Variants in BCAT1 observed in about 807,000 individuals in gnomAD.
The protein encoded by BCAT1 is branched-chain-amino-acid aminotransferase, cytosolic.
BCAT1 carries 48 observed loss-of-function variants against 52.4 expected under a neutral mutation model. The observed-to-expected ratio is 0.92, with a 90% CI of 0.73 to 1.16. The LOEUF (loss-of-function observed/expected upper bound fraction) is 1.16. Ranked by LOEUF, BCAT1 falls within the 50% of genes most tolerant of loss-of-function variation. BCAT1 has a pLI of 0.00. For missense variants in BCAT1, 451 were observed against 457.1 expected, an observed-to-expected ratio of 0.99 and a Z score of 0.12; for synonymous variants, 167 against 161.3, an observed-to-expected ratio of 1.04 and a Z score of -0.27.
intron 5 of BCAT1, among the ~76,000 whole-genome samples, chr12:24,860,837 C>T (rs866631507): frequency 6.6e-5 from 10 of 152,186 alleles, no homozygotes; most frequent in Admixed American, 6.5e-4. Flanking sequence ...TCACACAACT[C>T]ATACAAGTAT....
chr12:24,848,260 G>A (rs760688958), intron 6 of BCAT1, among the ~76,000 whole-genome samples: 21 of 152,076 alleles, frequency 1.4e-4, no homozygotes, highest in Non-Finnish European at 2.5e-4. Flanking sequence ...TGAGCAAAAG[G>A]TAACAGAATT....
intron 5 of BCAT1, among the ~76,000 whole-genome samples, chr12:24,853,635 T>G (rs898616975): frequency 1.3e-5 from 2 of 152,174 alleles, no homozygotes; most frequent in Non-Finnish European, 2.9e-5. Context: ...TTAACTTGTT[T>G]CACACAAGAG....
Position 24,816,707 on chromosome 12 carries a change from T to G in BCAT1, c.*1301A>C, listed in dbSNP as rs2139297698. ...CTCTAGAGCAGTGGTCCCCAACATT[T>G]TTGGCACCAGGGACCAGTTTTGTGG... is the stretch of plus-strand genomic sequence containing the variant. On this transcript the variant is annotated 3_prime_UTR_variant, in exon 11 of 11. Transcript: ENST00000261192. 1 of 396,278 alleles carries G rather than the reference T, an allele frequency of 2.5e-6. No homozygotes were observed. Among genetic ancestry groups the G allele is most frequent in the South Asian group, 1.3e-4 (1 of 7,430 alleles). 24.5% of individuals were successfully genotyped at this position (396,278 alleles called of 1,614,324 possible).
chr12:24,849,013 T>A (rs1460314119), intron 6 of BCAT1, among the ~76,000 whole-genome samples: 1 of 152,188 alleles, frequency 6.6e-6, no homozygotes, highest in African/African-American at 2.4e-5. Context: ...GACCTAAATG[T>A]CCTACCAGGG....
chr12:24,921,045 G>A (rs530666190), intron 1 of BCAT1, among the ~76,000 whole-genome samples: 6 of 151,930 alleles, frequency 3.9e-5, no homozygotes, highest in African/African-American at 4.8e-5. Context: ...TTACCTTCCC[G>A]TGACCCTCCA....
chr12:24,877,424 C>G (rs1052219979), intron 5 of BCAT1, among the ~76,000 whole-genome samples: 3 of 152,178 alleles, frequency 2.0e-5, no homozygotes, highest in Non-Finnish European at 4.4e-5. Flanking sequence ...CATACTCGTC[C>G]GCTCAAAAGG....
chr12:24,880,749 C>T (rs941835343), intron 4 of BCAT1, among the ~76,000 whole-genome samples: 1 of 152,058 alleles, frequency 6.6e-6, no homozygotes, highest in Non-Finnish European at 1.5e-5. Flanking sequence ...CTTACTCTTT[C>T]ATCTCTCACT....
At chr12:24,884,608 TAC>T (rs755833280) in intron 3 of BCAT1, among the ~76,000 whole-genome samples, 42 of 152,196 alleles carry the variant, frequency 2.8e-4, no homozygotes, top group Non-Finnish European at 4.1e-4. Flanking sequence ...CATAAATAAA[TAC>T]AATTATTTGT....
intron 1 of BCAT1, among the ~76,000 whole-genome samples, chr12:24,920,339 G>A (rs1483318578): frequency 6.6e-6 from 1 of 152,134 alleles, no homozygotes; most frequent in Non-Finnish European, 1.5e-5. Context: ...ACCGCACTCT[G>A]TGGCATGGCT....
rs1941192365 is a variant in BCAT1, at chr12:24,842,074, T to A, written c.817+8A>T. 1 of 1,612,866 alleles carries A rather than the reference T, an allele frequency of 6.2e-7. No homozygotes were observed. Among genetic ancestry groups the A allele is most frequent in the Non-Finnish European group, 8.5e-7 (1 of 1,179,400 alleles). On this transcript the variant is annotated splice_region_variant and intron_variant, in intron 7 of 10. Transcript: ENST00000261192. ...AGAAATGCACACAGTGAAATCTGAG[T>A]GGATTACCTCCATCTTCATTTATCC...
At chr12:24,895,312 G>A (rs2133588) in intron 2 of BCAT1, among the ~76,000 whole-genome samples, 70,025 of 151,900 alleles carry the variant, frequency 0.46, 16,294 homozygotes, top group East Asian at 0.57. Flanking sequence ...AGATCACAAG[G>A]TTTGGAGATT....
intron 3 of BCAT1, among the ~76,000 whole-genome samples, chr12:24,888,242 C>T (rs140984980): frequency 6.6e-6 from 1 of 152,218 alleles, no homozygotes; most frequent in Non-Finnish European, 1.5e-5. Context: ...GGTGCAGTGG[C>T]TCATGCCTGT....
chr12:24,831,629 A>G (rs1391540084), intron 9 of BCAT1, among the ~76,000 whole-genome samples: 1 of 152,204 alleles, frequency 6.6e-6, no homozygotes, highest in Non-Finnish European at 1.5e-5. Flanking sequence ...AGTACAGGTG[A>G]CAGAGAAAGA....
intron 5 of BCAT1, among the ~76,000 whole-genome samples, chr12:24,851,656 T>G (rs1375416241): frequency 6.6e-6 from 1 of 152,228 alleles, no homozygotes; most frequent in Non-Finnish European, 1.5e-5. Flanking sequence ...TTTTGATTGT[T>G]AGCTTGTGTT....
chr12:24,832,159 C>T (rs1452141101), intron 9 of BCAT1, among the ~76,000 whole-genome samples: 1 of 152,136 alleles, frequency 6.6e-6, no homozygotes, highest in Non-Finnish European at 1.5e-5. Context: ...AATGTAACTA[C>T]CTATAGAGCC....
intron 3 of BCAT1, among the ~76,000 whole-genome samples, chr12:24,893,546 G>A (rs1034799383): frequency 1.3e-5 from 2 of 152,050 alleles, no homozygotes; most frequent in East Asian, 1.9e-4. Flanking sequence ...AATACAGAAC[G>A]TATTGCAGGA....
rs1258409911 is a variant in BCAT1 at position 24,810,313 on chromosome 12, A to G, written c.*7695T>C. On this transcript the variant is annotated 3_prime_UTR_variant, in exon 11 of 11. Coordinates refer to ENST00000261192, the MANE Select transcript of BCAT1 (RefSeq NM_005504.7). Reference sequence around the variant, plus strand: ...TTTCACTTAAAAATAAATTATCACAATATAAGGCACATATGTATATGGAAT... The same window carrying G: ...TTTCACTTAAAAATAAATTATCACAGTATAAGGCACATATGTATATGGAAT... 2 of 152,196 alleles carry G rather than the reference A, an allele frequency of 1.3e-5. No homozygotes were observed. Among genetic ancestry groups the G allele is most frequent in the East Asian group, 3.8e-4 (2 of 5,198 alleles). The allele number at this position is 152,196 out of a possible 1,614,324, so 9.4% of individuals were successfully genotyped here.
intron 1 of BCAT1, chr12:24,902,336 G>A (rs1943130643): frequency 1.6e-6 from 2 of 1,217,202 alleles, no homozygotes; most frequent in African/African-American, 3.1e-5. Context: ...AACGGGGACG[G>A]GCGTGAACCA....
chr12:24,847,238 C>A (rs1941374246), intron 6 of BCAT1, among the ~76,000 whole-genome samples: 1 of 152,038 alleles, frequency 6.6e-6, no homozygotes, highest in Non-Finnish European at 1.5e-5. Flanking sequence ...AGGTTCCCAC[C>A]AAAACTGAAA....
Sources: gnomAD v4.1 joint callset for allele counts (sites outside exome capture counted in the v4.1 genomes callset) on GRCh38, gnomAD v4.1.1 for gene constraint, MANE v1.5 for transcripts, NCBI Gene and HGNC (gene_info 2026-07-23, HGNC 2026-07-21) for gene names.